PSD3: variants seen among roughly 807,000 people sequenced by gnomAD.
PSD3 encodes the protein PH and SEC7 domain-containing protein 3.
PSD3 carries 49 observed loss-of-function variants against 105.5 expected under a neutral mutation model. That is an observed-to-expected ratio of 0.46 (90% CI 0.37 to 0.59). The LOEUF is 0.59. Among genes scored for constraint, PSD3 ranks in the 20% least tolerant of loss-of-function variants. PSD3 has a pLI of 0.00. For missense variants in PSD3, 1,561 were observed against 1,263.8 expected, an observed-to-expected ratio of 1.24 and a Z score of -3.57; for synonymous variants, 557 against 457.8, an observed-to-expected ratio of 1.22 and a Z score of -2.77.
intron 6 of PSD3, among the ~76,000 whole-genome samples, chr8:18,804,034 A>G (rs747319397): frequency 2.6e-5 from 4 of 152,182 alleles, no homozygotes; most frequent in Non-Finnish European, 1.5e-5. Context: ...ATTGTTTACC[A>G]CCTGAACTCA....
intron 9 of PSD3, among the ~76,000 whole-genome samples, chr8:18,709,061 G>A (rs201078623): frequency 9.2e-5 from 14 of 152,268 alleles, no homozygotes; most frequent in South Asian, 2.1e-4. Flanking sequence ...GCAGCTGCTC[G>A]GGTTGTGGAC....
rs147623408 is a variant in PSD3 at position 19,000,276 on chromosome 8, G to C, written c.21+13287C>G. ...GCCAGGCATGTTAGTGTGTGCCTGT[G>C]GTCCCAGCTACTTGGGAGGCTGAGG... is the stretch of plus-strand genomic sequence containing the variant. On this transcript the variant is annotated intron_variant, in intron 1 of 15. Coordinates refer to ENST00000327040, the MANE Select transcript of PSD3 (RefSeq NM_015310.4). Among the ~76,000 whole-genome samples, 335 of 151,432 alleles carry C rather than the reference G, an allele frequency of 2.2e-3. 5 individuals are homozygous for C. Among genetic ancestry groups the C allele is most frequent in the African/African-American group, 7.7e-3 (319 of 41,234 alleles).
intron 1 of PSD3, among the ~76,000 whole-genome samples, chr8:18,994,925 C>G (rs1343420220): frequency 1.3e-5 from 2 of 151,802 alleles, no homozygotes; most frequent in African/African-American, 4.8e-5. Context: ...CTCCAACCCC[C>G]ACCGAGACAT....
chr8:18,631,952 T>C (rs1806933036), intron 11 of PSD3, among the ~76,000 whole-genome samples: 1 of 152,042 alleles, frequency 6.6e-6, no homozygotes, highest in African/African-American at 2.4e-5. Context: ...TATTTCACTC[T>C]GCAAAGATTA....
At chr8:18,761,055 C>T (rs1806487585) in intron 9 of PSD3, among the ~76,000 whole-genome samples, 1 of 152,144 alleles carries the variant, frequency 6.6e-6, no homozygotes, top group African/African-American at 2.4e-5. Flanking sequence ...GTTCAAGAGC[C>T]AATGCACCCT....
chr8:18,809,953 C>G (rs1337034197), intron 4 of PSD3, among the ~76,000 whole-genome samples: 3 of 152,172 alleles, frequency 2.0e-5, no homozygotes, highest in African/African-American at 4.8e-5. Flanking sequence ...GATAATGTAG[C>G]CACTTTACAC....
intron 1 of PSD3, 105 bp from the exon 2 acceptor site, chr8:18,936,247 T>C (rs553832046): frequency 9.4e-5 from 71 of 755,480 alleles, no homozygotes; most frequent in African/African-American, 1.6e-4. Flanking sequence ...TTATGACATA[T>C]GTACTCAAAG....
intron 9 of PSD3, among the ~76,000 whole-genome samples, chr8:18,755,359 G>A (rs554456314): frequency 1.3e-5 from 2 of 152,180 alleles, no homozygotes; most frequent in South Asian, 2.1e-4. Context: ...GAACCTAGGA[G>A]GTAGAGGTTG....
At chr8:18,945,600 G>T (rs573365415) in intron 1 of PSD3, among the ~76,000 whole-genome samples, 3 of 152,296 alleles carry the variant, frequency 2.0e-5, no homozygotes, top group African/African-American at 7.2e-5. Flanking sequence ...GCAGCTATAG[G>T]AAACCAATAC....
intron 1 of PSD3, among the ~76,000 whole-genome samples, chr8:19,052,008 G>C: frequency 6.6e-6 from 1 of 152,204 alleles, no homozygotes; most frequent in East Asian, 1.9e-4. Flanking sequence ...GATGGAGAAT[G>C]AGGAAGGGGG....
intron 1 of PSD3, among the ~76,000 whole-genome samples, chr8:18,958,573 G>C (rs539510531): frequency 6.6e-6 from 1 of 152,274 alleles, no homozygotes; most frequent in East Asian, 1.9e-4. Context: ...TATTAGCAAA[G>C]TTAATTCAAC....
chr8:18,738,632 C>T (rs1263762550), intron 9 of PSD3, among the ~76,000 whole-genome samples: 3 of 152,064 alleles, frequency 2.0e-5, no homozygotes, highest in African/African-American at 7.2e-5. Context: ...AACCTTAACA[C>T]AAGTAGGCTG....
intron 2 of PSD3, among the ~76,000 whole-genome samples, chr8:18,920,773 G>A (rs2129467182): frequency 6.6e-6 from 1 of 152,246 alleles, no homozygotes; most frequent in African/African-American, 2.4e-5. Context: ...TGTCTAGCAT[G>A]CCTCATCACC....
chr8:18,925,561 A>C (rs188283612), intron 2 of PSD3, among the ~76,000 whole-genome samples: 1 of 152,164 alleles, frequency 6.6e-6, no homozygotes, highest in Non-Finnish European at 1.5e-5. Context: ...CAAAATCTGA[A>C]ACGTTGGAGT....
intron 11 of PSD3, among the ~76,000 whole-genome samples, chr8:18,606,876 C>A (rs1804877464): frequency 6.6e-6 from 1 of 152,190 alleles, no homozygotes; most frequent in Non-Finnish European, 1.5e-5. Context: ...TCCAAACAAT[C>A]TTTTCAGGTA....
Position 19,078,127 on chromosome 8 carries a change from C to T in PSD3, c.324+6079G>A, listed in dbSNP as rs557823216. Among the ~76,000 whole-genome samples the T allele has an allele frequency of 5.3e-5, 8 of 152,196 alleles. No homozygotes were observed. In the South Asian group the frequency reaches 1.7e-3, roughly 32 times the overall value. On this transcript the variant is annotated intron_variant, in intron 1 of 1. Coordinates refer to the PSD3 transcript ENST00000521475. ...CTCGCTGCAGCCTCGAACTCCCAGG[C>T]TCAACTGAGATTCCTTCCTCGGCCT...
intron 1 of PSD3, among the ~76,000 whole-genome samples, chr8:18,951,978 AAAACAAAC>A (rs753971074): frequency 3.0e-4 from 46 of 152,180 alleles, no homozygotes; most frequent in African/African-American, 1.0e-3. Flanking sequence ...TCAAAAAAGA[AAAACAAAC>A]AAACAAACAA....
At chr8:18,927,952 G>C (rs984204875) in intron 2 of PSD3, among the ~76,000 whole-genome samples, 5 of 152,154 alleles carry the variant, frequency 3.3e-5, no homozygotes, top group African/African-American at 1.2e-4. Flanking sequence ...TCCTCAAAAG[G>C]TTTAATGTAG....
At chr8:18,606,916 G>T (rs1309023956) in intron 11 of PSD3, among the ~76,000 whole-genome samples, 2 of 152,078 alleles carry the variant, frequency 1.3e-5, no homozygotes, top group East Asian at 1.9e-4. Context: ...TATATTTTAT[G>T]CCCCCATTAT....
Sources: allele counts gnomAD v4.1 joint callset (sites outside exome capture counted in the v4.1 genomes callset), GRCh38; gene constraint gnomAD v4.1.1; transcripts MANE v1.5; gene names NCBI Gene and HGNC (gene_info 2026-07-23, HGNC 2026-07-21).